Variants in FGD3 observed in about 807,000 individuals in gnomAD.
The protein encoded by FGD3 is FYVE, RhoGEF and PH domain containing 3.
A neutral mutation model predicts 71.8 loss-of-function variants in FGD3; 45 were observed. That is an observed-to-expected ratio of 0.63 (90% CI 0.49 to 0.80). FGD3 has a LOEUF of 0.80. Ranked by LOEUF, FGD3 falls within the 30% of genes least tolerant of loss-of-function variation. FGD3 has a pLI of 0.00. For synonymous variants in FGD3, 378 were observed against 392.8 expected (o/e 0.96, Z 0.44); for missense variants, 844 against 951.5 (o/e 0.89, Z 1.49).
intron 1 of FGD3, among the ~76,000 whole-genome samples, chr9:92,953,640 G>A (rs1421490270): frequency 4.6e-5 from 7 of 152,134 alleles, no homozygotes; most frequent in African/African-American, 1.4e-4. Flanking sequence ...ACCTGCACAC[G>A]GGCCTCACAG....
chr9:92,947,587 C>T lies in FGD3; in HGVS notation c.-360C>T, dbSNP rs1213498952. On this transcript the variant is annotated 5_prime_UTR_variant, in exon 1 of 18. Transcript: ENST00000375482. ...TCCAGGTCCCCAAGGAGACCCCAGC[C>T]TCCTGCTGCCCACTGTGAGCGACCT... is the stretch of plus-strand genomic sequence containing the variant. The T allele has an allele frequency of 6.6e-6, 1 of 152,578 alleles. No homozygotes were observed. Among genetic ancestry groups the T allele is most frequent in the African/African-American group, 2.4e-5 (1 of 41,482 alleles). The allele number at this position is 152,578 out of a possible 1,614,324, so 9.5% of individuals were successfully genotyped here. A position where few individuals can be genotyped will look rare whatever the true frequency, so the allele number is the denominator to read the frequency against.
chr9:92,964,649 G>T (rs1266793902), intron 1 of FGD3, among the ~76,000 whole-genome samples: 1 of 152,200 alleles, frequency 6.6e-6, no homozygotes, highest in Admixed American at 6.5e-5. Flanking sequence ...ATCGTCTGGG[G>T]GTGGCTTAGG....
chr9:92,975,780 T>TGAGGAGGAGGAG, intron 2 of FGD3, among the ~76,000 whole-genome samples: 1 of 151,306 alleles, frequency 6.6e-6, no homozygotes, highest in East Asian at 1.9e-4. Context: ...CAGGCAGTGG[T>TGAGGAGGAGGAG]GAGGAGGAGG....
rs1287825466 is a variant in FGD3, at chr9:92,976,434, G to A, written c.178G>A (p.Gly60Ser). Residue 60 changes from glycine (G) to serine (S), a missense_variant, in exon 3 of 18, where the codon GGC becomes AGC. By Grantham distance (56) the Gly-to-Ser change is moderately conservative. Coordinates refer to ENST00000375482, the MANE Select transcript of FGD3 (RefSeq NM_001083536.2). The part of the protein sequence containing the change: ...AAAGDGSPDI[G>S]PTGELSGSLK... ...AGCAGGGGACGGCTCTCCAGACATAGGCCCCACGGGAGAGCTGAGTGGTAG... is the reference window on the plus strand; with the variant it reads ...AGCAGGGGACGGCTCTCCAGACATAAGCCCCACGGGAGAGCTGAGTGGTAG... 6.2e-7 allele frequency: 1 copy of A among 1,611,770 alleles called. No homozygotes were observed. Among genetic ancestry groups the A allele is most frequent in the Admixed American group, 1.7e-5 (1 of 59,774 alleles).
chr9:93,010,225 A>G (rs113616327), intron 6 of FGD3, 21 bp from the exon 7 acceptor site: 38 of 1,592,822 alleles, frequency 2.4e-5, no homozygotes, highest in African/African-American at 2.0e-4. Context: ...GGAGTGCCCA[A>G]TGCTCCCTCT....
rs73514117 is a variant in FGD3, at chr9:93,022,019, T to C, written c.1495-308T>C. Among the ~76,000 whole-genome samples the C allele has an allele frequency of 8.7e-3, 1,318 of 152,202 alleles. 26 individuals are homozygous for C. The highest frequency in any genetic ancestry group is 0.03 in the African/African-American group (1,247 of 41,526). ...GATGAGAGAGAACCCAAAGGGACCCTCCTTACTCACTGGGTGACTTGGTGT... is the reference window on the plus strand; with the variant it reads ...GATGAGAGAGAACCCAAAGGGACCCCCCTTACTCACTGGGTGACTTGGTGT... On this transcript the variant is annotated intron_variant, in intron 13 of 17. Coordinates refer to ENST00000375482, the MANE Select transcript of FGD3 (RefSeq NM_001083536.2).
intron 3 of FGD3, among the ~76,000 whole-genome samples, chr9:92,993,555 T>C (rs1860504695): frequency 6.6e-6 from 1 of 152,188 alleles, no homozygotes; most frequent in Admixed American, 6.5e-5. Context: ...CATGTTGGTG[T>C]GCTGCACCCG....
At chr9:92,952,211 C>T (rs1185888684) in intron 1 of FGD3, among the ~76,000 whole-genome samples, 1 of 151,230 alleles carries the variant, frequency 6.6e-6, no homozygotes, top group African/African-American at 2.4e-5. Flanking sequence ...AGGATATATA[C>T]ACATATCATT....
intron 1 of FGD3, among the ~76,000 whole-genome samples, chr9:92,965,023 C>T (rs993398533): frequency 5.9e-5 from 9 of 152,194 alleles, no homozygotes; most frequent in Non-Finnish European, 1.2e-4. Context: ...TCCTCAGCAC[C>T]CCGTGCTGTG....
At chr9:93,025,349 C>T (rs1384374982) in intron 14 of FGD3, among the ~76,000 whole-genome samples, 2 of 152,224 alleles carry the variant, frequency 1.3e-5, no homozygotes, top group African/African-American at 2.4e-5. Context: ...GGCCTCCCTA[C>T]GAACAGTGGA....
intron 14 of FGD3, among the ~76,000 whole-genome samples, chr9:93,023,191 G>A (rs1861991330): frequency 6.6e-6 from 1 of 152,196 alleles, no homozygotes; most frequent in African/African-American, 2.4e-5. Context: ...TGCAGGCCCA[G>A]GAATGACATG....
chr9:93,012,687 C>CCA (rs1554736567), intron 8 of FGD3, among the ~76,000 whole-genome samples: 2 of 59,066 alleles, frequency 3.4e-5, no homozygotes, highest in East Asian at 3.7e-4. Context: ...TGGGCGGTGG[C>CCA]GGGGTGTGGG....
rs1860911844 is a variant in FGD3, at chr9:93,002,951, C to T, written c.480C>T (p.His160=). 2 of 1,614,024 alleles carry T rather than the reference C, an allele frequency of 1.2e-6. No homozygotes were observed. Among genetic ancestry groups the T allele is most frequent in the African/African-American group, 1.3e-5 (1 of 74,932 alleles). ...AQHSGPQKLL[H]IAQELLHTEE... is the part of the protein sequence containing the mutation. ...ACTCTGGCCCCCAGAAGCTTCTCCA[C>T]ATTGCCCAGGAGCTCCTGCACACCG... is the stretch of plus-strand genomic sequence containing the variant. The change falls in exon 4 of 18, where the codon CAC becomes CAT. Residue 160 remains histidine, a synonymous_variant. Coordinates refer to ENST00000375482, the MANE Select transcript of FGD3 (RefSeq NM_001083536.2).
intron 1 of FGD3, among the ~76,000 whole-genome samples, chr9:92,973,847 C>T (rs1298465210): frequency 1.3e-5 from 2 of 152,216 alleles, no homozygotes; most frequent in Admixed American, 1.3e-4. Flanking sequence ...GCAGCTCTCT[C>T]ATCTTCAGGG....
chr9:92,987,431 C>CAA (rs56738468), intron 3 of FGD3, among the ~76,000 whole-genome samples: 1 of 122,472 alleles, frequency 8.2e-6, no homozygotes, highest in African/African-American at 3.0e-5. Context: ...GACTCTGTCT[C>CAA]AAAAAAAAAA....
chr9:93,023,681 G>GC (rs1862012668), intron 14 of FGD3, among the ~76,000 whole-genome samples: 1 of 152,028 alleles, frequency 6.6e-6, no homozygotes, highest in Non-Finnish European at 1.5e-5. Flanking sequence ...GCCCTGCTAG[G>GC]CCCCAGGGCC....
chr9:93,012,769 T>G (rs192607581), intron 8 of FGD3, among the ~76,000 whole-genome samples: 1 of 151,774 alleles, frequency 6.6e-6, no homozygotes, highest in Non-Finnish European at 1.5e-5. Context: ...CAATGCTCAG[T>G]GTTATTGTCA....
At chr9:93,007,602 A>C (rs937630649) in intron 6 of FGD3, among the ~76,000 whole-genome samples, 1 of 152,130 alleles carries the variant, frequency 6.6e-6, no homozygotes, top group South Asian at 2.1e-4. Context: ...CAGTGAGCTG[A>C]GATCGCGCCT....
chr9:92,986,443 G>A (rs1194005542), intron 3 of FGD3, among the ~76,000 whole-genome samples: 1 of 152,218 alleles, frequency 6.6e-6, no homozygotes, highest in Admixed American at 6.5e-5. Context: ...GAGAAATGGA[G>A]GCTACAGGAG....
Sources: gnomAD v4.1 joint callset for allele counts (sites outside exome capture counted in the v4.1 genomes callset) on GRCh38, gnomAD v4.1.1 for gene constraint, MANE v1.5 for transcripts, NCBI Gene and HGNC (gene_info 2026-07-23, HGNC 2026-07-21) for gene names.